The following TRIP10 variants were observed in gnomAD, a reference collection of about 807,000 sequenced individuals.
The protein encoded by TRIP10 is thyroid hormone receptor interactor 10.
In TRIP10, 54 loss-of-function variants were observed where a neutral mutation model predicts 80.9. The ratio of observed to expected loss-of-function variants is 0.67; its 90% confidence interval spans 0.54 to 0.84. The LOEUF (loss-of-function observed/expected upper bound fraction) is 0.84. TRIP10 is among the 40% of genes least tolerant of loss of function. TRIP10 has a pLI of 0.00. For missense variants in TRIP10, 773 were observed against 815.3 expected, an observed-to-expected ratio of 0.95 and a Z score of 0.63; for synonymous variants, 321 against 307.2, an observed-to-expected ratio of 1.04 and a Z score of -0.47.
intron 6 of TRIP10, 37 bp from the exon 7 acceptor site, chr19:6,743,671 G>T: frequency 1.2e-6 from 2 of 1,612,466 alleles, no homozygotes; most frequent in Non-Finnish European, 1.7e-6. Context: ...GGACGTGATC[G>T]GAACCTGGCA....
chr19:6,743,626 T>TGG, intron 6 of TRIP10, 28 bp downstream of exon 6: 2 of 850,372 alleles, frequency 2.4e-6, no homozygotes, highest in Admixed American at 3.0e-5. Flanking sequence ...GGGGGGGGGG[T>TGG]GCGGGGTCTG....
chr19:6,750,655 T>C, intron 14 of TRIP10, 22 bp downstream of exon 14: 1 of 1,613,236 alleles, frequency 6.2e-7, no homozygotes, highest in Non-Finnish European at 8.5e-7. Flanking sequence ...CAGAGTGGGC[T>C]TGGCGGGGTA....
intron 1 of TRIP10, among the ~76,000 whole-genome samples, chr19:6,740,517 T>G (rs1968882148): frequency 6.6e-6 from 1 of 152,106 alleles, no homozygotes. Flanking sequence ...CTTTTGGATG[T>G]GTAGTGGGGT....
chr19:6,743,387 G>A, intron 5 of TRIP10, 107 bp from the exon 6 acceptor site: 1 of 1,527,042 alleles, frequency 6.5e-7, no homozygotes, highest in Non-Finnish European at 9.0e-7. Flanking sequence ...GTACTCCCTT[G>A]ACCCCTACTT....
chr19:6,749,539 T>C (rs935282251), intron 11 of TRIP10, among the ~76,000 whole-genome samples: 3 of 152,172 alleles, frequency 2.0e-5, no homozygotes, highest in Admixed American at 6.5e-5. Flanking sequence ...TATTTGCTCC[T>C]TGATGCAAAA....
Position 6,746,156 on chromosome 19 carries a change from C to G in TRIP10, c.1112C>G (p.Pro371Arg). 6.5e-7 allele frequency: 1 copy of G among 1,546,870 alleles called. No individual in the cohort carries two copies. The highest frequency in any genetic ancestry group is 8.7e-7 in the Non-Finnish European group (1 of 1,145,160). ...AGCGAGATCAGTAAGTCGGTCAAAC[C>G]GAGGCTAGCATCCTTCCGCAGCCTT... is the stretch of plus-strand genomic sequence containing the variant. ...ILSEISKSVK[P>R]RLASFRSLRG... Residue 371 changes from proline to arginine, a missense_variant, in exon 10 of 15, where the codon CCG becomes CGG. Pro to Arg is a moderately radical substitution (Grantham distance 103, BLOSUM62 -2). Transcript: ENST00000313244. This position sits in a 1 kb window ranked among gnomAD's most constrained non-coding sequence, Gnocchi z 6.2.
In TRIP10 at chr19:6,741,054, C is replaced by T. The variant is rs751587785; in HGVS notation, c.69C>T (p.Asp23=). 2.5e-6 allele frequency: 4 copies of T among 1,614,000 alleles called. No homozygotes were observed. Among genetic ancestry groups the T allele is most frequent in the South Asian group, 2.2e-5 (2 of 91,086 alleles). ...AGCGCCACACGCAGTGGGGGCTGGA[C>T]CTGTTGGACAGATATGTAAAGTTCG... ...VLERHTQWGL[D]LLDRYVKFVK... Residue 23 remains aspartate (D), a synonymous_variant, in exon 2 of 15, where the codon GAC becomes GAT. Transcript: ENST00000313244.
At position 6,743,618 on chromosome 19, in the gene TRIP10, G is replaced by A; in HGVS notation, c.513+20G>A. ...GAGAAGGTGTGTGTGGCGGGGGCGGGGGGGGGGTGCGGGGTCTGGGACAAG... is the reference window on the plus strand; with the variant it reads ...GAGAAGGTGTGTGTGGCGGGGGCGGAGGGGGGGTGCGGGGTCTGGGACAAG... On this transcript the variant is annotated intron_variant, in intron 6 of 14. Coordinates refer to ENST00000313244, the MANE Select transcript of TRIP10 (RefSeq NM_001288962.2). 5 of 1,409,526 alleles carry A rather than the reference G, an allele frequency of 3.5e-6. No homozygotes were observed. Among genetic ancestry groups the A allele is most frequent in the Non-Finnish European group, 4.0e-6 (4 of 1,002,480 alleles). 87.3% of individuals were successfully genotyped at this position (1,409,526 alleles called of 1,614,324 possible).
Position 6,746,034 on chromosome 19 carries a change from C to T in TRIP10, c.990C>T (p.Arg330=), listed in dbSNP as rs932958958. Residue 330 remains arginine, a synonymous_variant, in exon 10 of 15, where the codon CGC becomes CGT. Coordinates refer to ENST00000313244, the MANE Select transcript of TRIP10 (RefSeq NM_001288962.2). The surrounding 1 kb of genome is among the most constrained non-coding windows in gnomAD (Gnocchi z 6.2). ...RWPFGKKNKP[R]PPPLSPLGGP... ...TCCCCGGCCCCCGCCGGTAGCCTCG[C>T]CCCCCACCCCTCTCCCCCCTGGGGG... The T allele has an allele frequency of 3.8e-4, 372 of 980,400 alleles. 1 individual carries two copies. Among genetic ancestry groups the T allele is most frequent in the Non-Finnish European group, 4.6e-4 (343 of 743,894 alleles). 60.7% of individuals were successfully genotyped at this position (980,400 alleles called of 1,614,324 possible). A position where few individuals can be genotyped will look rare whatever the true frequency, so the allele number is the denominator to read the frequency against.
Position 6,745,041 on chromosome 19 carries a change from TG to T in TRIP10, c.984+51del. 6.3e-7 allele frequency: 1 copy of T among 1,579,076 alleles called. No homozygotes were observed. The highest frequency in any genetic ancestry group is 2.2e-5 in the East Asian group (1 of 44,462). On this transcript the variant is annotated intron_variant, in intron 9 of 14. Transcript: ENST00000313244. This position sits in a 1 kb window ranked among gnomAD's most constrained non-coding sequence, Gnocchi z 7.2. The stretch of plus-strand genomic sequence containing the variant: ...ATGGTGGGGGAGAAGGACAGTGAAG[TG>T]GGGACAGTGGGGCCCCTATTGAGTC...
intron 11 of TRIP10, chr19:6,748,537 G>A (rs540212983): frequency 1.4e-4 from 22 of 152,260 alleles, no homozygotes; most frequent in African/African-American, 5.3e-4. Context: ...GTTTATGCCT[G>A]TAATCCAAGC....
At position 6,751,128 on chromosome 19, in the gene TRIP10, G is replaced by A. The variant is rs1479188866; in HGVS notation, c.1723G>A (p.Gly575Arg). 1 of 1,608,646 alleles carries A rather than the reference G, an allele frequency of 6.2e-7. No individual in the cohort carries two copies. The highest frequency in any genetic ancestry group is 8.5e-7 in the Non-Finnish European group (1 of 1,177,320). ...CCTCAGTCTTATGGAAGAAGACAAA[G>A]GGGACGGCTGGACCCGGGTCAGGCG... ...EDLSLMEEDK[G>R]DGWTRVRRKE... is the part of the protein sequence containing the mutation. The change falls in exon 15 of 15, where the codon GGG (glycine) becomes AGG (arginine). Residue 575 changes from glycine to arginine, a missense_variant. Transcript: ENST00000313244.
chr19:6,744,793 C>T lies in TRIP10; in HGVS notation c.790-7C>T, dbSNP rs1224134668. ...TCGACTGCTCATCCACTGTCCCCCT[C>T]CCCCAGGACTCCCACGTCCTTATAG... is the stretch of plus-strand genomic sequence containing the variant. On this transcript the variant is annotated splice_polypyrimidine_tract_variant and splice_region_variant and intron_variant, in intron 8 of 14. Transcript: ENST00000313244. This position sits in a 1 kb window ranked among gnomAD's most constrained non-coding sequence, Gnocchi z 4.9. 10 of 1,610,514 alleles carry T rather than the reference C, an allele frequency of 6.2e-6. No homozygotes were observed. The highest frequency in any genetic ancestry group is 3.4e-6 in the Non-Finnish European group (4 of 1,178,052).
At position 6,746,142 on chromosome 19, in the gene TRIP10, T is replaced by A; in HGVS notation, c.1098T>A (p.Ser366Arg). 6.5e-7 allele frequency: 1 copy of A among 1,545,648 alleles called. No homozygotes were observed. The highest frequency in any genetic ancestry group is 8.7e-7 in the Non-Finnish European group (1 of 1,144,844). Residue 366 changes from serine to arginine, a missense_variant, in exon 10 of 15, where the codon AGT (serine) becomes AGA (arginine). Physicochemically the swap from Ser to Arg is moderately radical, Grantham distance 110. Transcript: ENST00000313244. This position sits in a 1 kb window ranked among gnomAD's most constrained non-coding sequence, Gnocchi z 6.2. Reference sequence around the variant, plus strand: ...CCTTGGCCATACTGAGCGAGATCAGTAAGTCGGTCAAACCGAGGCTAGCAT... The same window carrying A: ...CCTTGGCCATACTGAGCGAGATCAGAAAGTCGGTCAAACCGAGGCTAGCAT... ...RDPLAILSEI[S>R]KSVKPRLASF...
rs1007960857 is a variant in TRIP10 at position 6,750,348 on chromosome 19, C to T, written c.1452C>T (p.Ser484=). ...RVLSNRGDSL[S]RHARPPDPPA... ...TTAGCAACCGGGGAGACAGCCTGAG[C>T]CGGCACGCCCGGCCTCCCGACCCCC... is the stretch of plus-strand genomic sequence containing the variant. The change falls in exon 13 of 15, where the codon AGC becomes AGT. Residue 484 remains serine, a synonymous_variant. Transcript: ENST00000313244. 1.2e-6 allele frequency: 2 copies of T among 1,614,056 alleles called. No homozygotes were observed. The highest frequency in any genetic ancestry group is 2.2e-5 in the East Asian group (1 of 44,874).
intron 3 of TRIP10, among the ~76,000 whole-genome samples, chr19:6,741,878 C>T (rs111272473): frequency 9.2e-5 from 14 of 151,960 alleles, no homozygotes; most frequent in Admixed American, 3.9e-4. Context: ...AGTGCAGTGG[C>T]GCCATCTCAG....
Position 6,746,051 on chromosome 19 carries a change from C to T in TRIP10, c.1007C>T (p.Pro336Leu). The change falls in exon 10 of 15, where the codon CCC (proline) becomes CTC (leucine). Residue 336 changes from proline to leucine, a missense_variant. Physicochemically the swap from Pro to Leu is moderately conservative, Grantham distance 98 (BLOSUM62 -3). Transcript: ENST00000313244. This position sits in a 1 kb window ranked among gnomAD's most constrained non-coding sequence, Gnocchi z 6.2. ...KNKPRPPPLS[P>L]LGGPVPSALP... ...TAGCCTCGCCCCCCACCCCTCTCCC[C>T]CCTGGGGGGCCCCGTACCCTCGGCA... 7.0e-7 allele frequency: 1 copy of T among 1,431,832 alleles called. No individual in the cohort carries two copies. The highest frequency in any genetic ancestry group is 9.3e-7 in the Non-Finnish European group (1 of 1,080,528). The allele number at this position is 1,431,832 out of a possible 1,614,324, so 88.7% of individuals were successfully genotyped here.
Position 6,743,562 on chromosome 19 carries a change from C to G in TRIP10, c.477C>G (p.Asp159Glu). The G allele has an allele frequency of 6.2e-7, 1 of 1,608,928 alleles. No individual in the cohort carries two copies. The highest frequency in any genetic ancestry group is 8.5e-7 in the Non-Finnish European group (1 of 1,179,534). The change falls in exon 6 of 15, where the codon GAC (aspartate) becomes GAG (glutamate). Residue 159 changes from aspartate (D) to glutamate (E), a missense_variant. Physicochemically the swap from Asp to Glu is conservative, Grantham distance 45. Transcript: ENST00000313244. ...EKAAQTAERL[D>E]QDINATKADV... The stretch of plus-strand genomic sequence containing the variant: ...CAGCCCAGACTGCTGAACGGCTAGA[C>G]CAGGATATCAACGCCACCAAGGCTG...
At chr19:6,750,764 G>A in intron 14 of TRIP10, 131 bp downstream of exon 14, 1 of 1,376,082 alleles carries the variant, frequency 7.3e-7, no homozygotes, top group Non-Finnish European at 9.8e-7. Flanking sequence ...GGGAAGCTGA[G>A]GCAGGCAGAT....
Sources: allele counts gnomAD v4.1 joint callset (sites outside exome capture counted in the v4.1 genomes callset), GRCh38; gene constraint gnomAD v4.1.1; non-coding constraint Gnocchi (gnomAD v3.1); transcripts MANE v1.5; gene names NCBI Gene and HGNC (gene_info 2026-07-23, HGNC 2026-07-21).